The following MYO5B variants were observed in gnomAD, a reference collection of about 807,000 sequenced individuals.
The protein encoded by MYO5B is myosin VB, also known as unconventional myosin-Vb.
In MYO5B, 143 loss-of-function variants were observed where a neutral mutation model predicts 229.3. That is an observed-to-expected ratio of 0.62 (90% CI 0.54 to 0.72). MYO5B has a LOEUF of 0.72. Ranked by LOEUF, MYO5B falls within the 30% of genes least tolerant of loss-of-function variation. MYO5B has a pLI of 0.00. For missense variants in MYO5B, 2,321 were observed against 2,331.0 expected (o/e 1.00, Z 0.09); for synonymous variants, 918 against 885.2 (o/e 1.04, Z -0.66).
intron 1 of MYO5B, among the ~76,000 whole-genome samples, chr18:50,124,288 C>CA (rs371895272): frequency 5.9e-4 from 90 of 152,306 alleles, no homozygotes; most frequent in African/African-American, 2.0e-3. Flanking sequence ...GAGATTCTTT[C>CA]AGAGTTTTCC....
intron 1 of MYO5B, among the ~76,000 whole-genome samples, chr18:50,104,201 G>A (rs2031710800): frequency 1.5e-5 from 2 of 137,452 alleles, no homozygotes; most frequent in African/African-American, 2.7e-5. Flanking sequence ...ACCTAGCGAG[G>A]AGGACATTAA....
intron 1 of MYO5B, among the ~76,000 whole-genome samples, chr18:50,143,567 C>T (rs1364503415): frequency 6.6e-6 from 1 of 151,968 alleles, no homozygotes; most frequent in Non-Finnish European, 1.5e-5. Flanking sequence ...ACTAATCACA[C>T]CAATATTTAT....
intron 1 of MYO5B, among the ~76,000 whole-genome samples, chr18:50,140,661 G>T (rs952443373): frequency 1.3e-5 from 2 of 152,196 alleles, no homozygotes; most frequent in Non-Finnish European, 2.9e-5. Flanking sequence ...GCACTAGGAC[G>T]AAGATCTAAT....
chr18:49,976,446 A>C (rs988719646), intron 9 of MYO5B, among the ~76,000 whole-genome samples: 1 of 152,216 alleles, frequency 6.6e-6, no homozygotes. Context: ...AAAGAACATT[A>C]GTTGGCTTTA....
At chr18:50,045,287 T>G (rs762587748) in intron 2 of MYO5B, among the ~76,000 whole-genome samples, 8 of 152,288 alleles carry the variant, frequency 5.3e-5, no homozygotes, top group Admixed American at 1.3e-4. Flanking sequence ...GATGAGGCTA[T>G]GACACAGGGC....
intron 5 of MYO5B, among the ~76,000 whole-genome samples, chr18:49,997,733 A>C (rs909180608): frequency 6.6e-6 from 1 of 152,118 alleles, no homozygotes; most frequent in African/African-American, 2.4e-5. Flanking sequence ...TCCATCCTCA[A>C]GTCGCCTTTA....
At chr18:50,094,460 G>GT (rs143575740) in intron 1 of MYO5B, among the ~76,000 whole-genome samples, 102 of 151,636 alleles carry the variant, frequency 6.7e-4, no homozygotes, top group South Asian at 1.2e-3. Context: ...TAAGTACTGA[G>GT]TTTTTTTTTG....
At chr18:49,934,757 A>C (rs1787324) in intron 16 of MYO5B, among the ~76,000 whole-genome samples, 1 of 151,994 alleles carries the variant, frequency 6.6e-6, no homozygotes, top group Non-Finnish European at 1.5e-5. Flanking sequence ...GCACACTGCA[A>C]AGAAAACTGG....
At chr18:49,902,085 C>G (rs1259616805) in intron 21 of MYO5B, among the ~76,000 whole-genome samples, 1 of 152,222 alleles carries the variant, frequency 6.6e-6, no homozygotes, top group Non-Finnish European at 1.5e-5. Flanking sequence ...AGTTATGACT[C>G]AAGATAGCAT....
intron 22 of MYO5B, among the ~76,000 whole-genome samples, chr18:49,886,094 C>T (rs554548676): frequency 2.0e-5 from 3 of 152,254 alleles, no homozygotes; most frequent in Admixed American, 1.3e-4. Flanking sequence ...TGCCTGCCAA[C>T]ATGCCCGGCT....
At chr18:50,002,244 G>A (rs143759291) in intron 4 of MYO5B, among the ~76,000 whole-genome samples, 60 of 152,208 alleles carry the variant, frequency 3.9e-4, no homozygotes, top group Admixed American at 9.8e-4. Flanking sequence ...CAAAGGGCAT[G>A]CTATTAGCCA....
chr18:50,066,133 C>G (rs78922823), intron 1 of MYO5B, among the ~76,000 whole-genome samples: 3,763 of 152,116 alleles, frequency 0.025, 138 homozygotes, highest in African/African-American at 0.085. Flanking sequence ...GGTCAAAACT[C>G]CATGATAAAA....
Position 50,182,001 on chromosome 18 carries a change from C to T in MYO5B, c.27+12766G>A, listed in dbSNP as rs74755801. Among the ~76,000 whole-genome samples, 841 of 152,270 alleles carry T rather than the reference C, an allele frequency of 5.5e-3. 11 individuals are homozygous for T. The highest frequency in any genetic ancestry group is 0.021 in the East Asian group (111 of 5,190). On this transcript the variant is annotated intron_variant, in intron 1 of 39. Coordinates refer to ENST00000285039, the MANE Select transcript of MYO5B (RefSeq NM_001080467.3). ...AATACCTCCTTAATGCTTATTCATA[C>T]GACAAATGAACCGTTGGATTAGAAG...
intron 2 of MYO5B, among the ~76,000 whole-genome samples, 187 bp from the exon 3 acceptor site, chr18:50,040,501 T>C (rs554960707): frequency 6.6e-6 from 1 of 152,184 alleles, no homozygotes; most frequent in South Asian, 2.1e-4. Flanking sequence ...AGATGGAAAA[T>C]TTGCTGATAA....
intron 22 of MYO5B, among the ~76,000 whole-genome samples, chr18:49,890,147 G>C (rs1436584075): frequency 6.6e-6 from 1 of 152,184 alleles, no homozygotes; most frequent in Non-Finnish European, 1.5e-5. Flanking sequence ...TATTTCTCCA[G>C]GTACCAGCCA....
intron 16 of MYO5B, among the ~76,000 whole-genome samples, chr18:49,931,854 G>A (rs1274588725): frequency 6.6e-6 from 1 of 152,178 alleles, no homozygotes; most frequent in Non-Finnish European, 1.5e-5. Flanking sequence ...AAGGCATCCT[G>A]TGGCCTGCAG....
chr18:49,892,882 T>C (rs2024731561), intron 22 of MYO5B, among the ~76,000 whole-genome samples: 1 of 152,220 alleles, frequency 6.6e-6, no homozygotes, highest in Non-Finnish European at 1.5e-5. Flanking sequence ...AAGGGGCTTT[T>C]GCACTACTCT....
At chr18:50,089,496 G>A (rs2031400512) in intron 1 of MYO5B, among the ~76,000 whole-genome samples, 1 of 151,680 alleles carries the variant, frequency 6.6e-6, no homozygotes. Context: ...TCAGCACACT[G>A]AGAGGCCAAA....
intron 1 of MYO5B, among the ~76,000 whole-genome samples, chr18:50,162,368 C>T (rs1295167863): frequency 2.6e-5 from 4 of 151,754 alleles, no homozygotes; most frequent in Non-Finnish European, 4.4e-5. Context: ...GATAGGAATC[C>T]CGGCGCCCAG....
Sources: gnomAD v4.1 joint callset for allele counts (sites outside exome capture counted in the v4.1 genomes callset) on GRCh38, gnomAD v4.1.1 for gene constraint, MANE v1.5 for transcripts, NCBI Gene and HGNC (gene_info 2026-07-23, HGNC 2026-07-21) for gene names.